The following DCLK1 variants were observed in gnomAD, a reference collection of about 807,000 sequenced individuals.
The protein encoded by DCLK1 is doublecortin like kinase 1.
DCLK1 carries 16 observed loss-of-function variants against 86.2 expected under a neutral mutation model. The observed-to-expected ratio is 0.19, with a 90% CI of 0.13 to 0.28. DCLK1 has a LOEUF of 0.28. Ranked by LOEUF, DCLK1 falls within the 10% of genes least tolerant of loss-of-function variation. DCLK1 has a pLI of 1.00. For missense variants in DCLK1, 590 were observed against 940.2 expected (o/e 0.63, Z 4.87); for synonymous variants, 369 against 370.5 (o/e 1.00, Z 0.05).
intron 15 of DCLK1, among the ~76,000 whole-genome samples, chr13:35,798,609 T>C (rs2086858764): frequency 6.6e-6 from 1 of 152,218 alleles, no homozygotes; most frequent in Non-Finnish European, 1.5e-5. Flanking sequence ...ATTCTCTGTC[T>C]ACAATTCACA....
intron 3 of DCLK1, among the ~76,000 whole-genome samples, chr13:36,052,962 T>A (rs577518933): frequency 2.0e-5 from 3 of 152,274 alleles, no homozygotes; most frequent in South Asian, 4.1e-4. Context: ...GAGGATGGGG[T>A]GCTTACAATC....
chr13:35,948,666 T>G (rs2153133599), intron 3 of DCLK1, among the ~76,000 whole-genome samples: 1 of 152,376 alleles, frequency 6.6e-6, no homozygotes, highest in Non-Finnish European at 1.5e-5. Context: ...GTCTCATTTC[T>G]AAATAATCAC....
intron 6 of DCLK1, chr13:35,850,667 A>G: frequency 6.7e-7 from 1 of 1,481,810 alleles, no homozygotes; most frequent in South Asian, 1.5e-5. Flanking sequence ...TTGCTTCAGA[A>G]ATGTGAAACC....
intron 3 of DCLK1, among the ~76,000 whole-genome samples, chr13:36,018,987 T>C (rs1881647561): frequency 6.6e-6 from 1 of 152,180 alleles, no homozygotes; most frequent in South Asian, 2.1e-4. Context: ...TAGACCCAAT[T>C]GCTTGTTTCA....
chr13:35,822,663 G>C (rs770992928), intron 11 of DCLK1, 66 bp downstream of exon 11: 3 of 1,594,374 alleles, frequency 1.9e-6, no homozygotes, highest in Non-Finnish European at 2.6e-6. Flanking sequence ...AAAGAAAAAA[G>C]AAATATTCAT....
chr13:36,015,085 AG>A (rs1881489376), intron 3 of DCLK1, among the ~76,000 whole-genome samples: 1 of 151,400 alleles, frequency 6.6e-6, no homozygotes, highest in Non-Finnish European at 1.5e-5. Flanking sequence ...CCGTGGGAGC[AG>A]TGATTATGTC....
At chr13:35,931,225 T>C (rs958894722) in intron 4 of DCLK1, among the ~76,000 whole-genome samples, 3 of 152,202 alleles carry the variant, frequency 2.0e-5, no homozygotes, top group African/African-American at 7.2e-5. Context: ...AACAAGGGCC[T>C]GGAAATCAGA....
At chr13:35,798,554 C>T (rs2086857994) in intron 15 of DCLK1, among the ~76,000 whole-genome samples, 1 of 152,198 alleles carries the variant, frequency 6.6e-6, no homozygotes, top group Non-Finnish European at 1.5e-5. Context: ...TCCCCACCTG[C>T]ACGGCACCCC....
chr13:35,958,814 A>T (rs550194498), intron 3 of DCLK1, among the ~76,000 whole-genome samples: 1 of 152,392 alleles, frequency 6.6e-6, no homozygotes, highest in Non-Finnish European at 1.5e-5. Context: ...AAAGACATTT[A>T]CATGGCTTCC....
intron 3 of DCLK1, among the ~76,000 whole-genome samples, chr13:36,063,667 A>C (rs544055774): frequency 5.3e-5 from 8 of 152,240 alleles, no homozygotes; most frequent in African/African-American, 1.9e-4. Flanking sequence ...AGAATAGGAG[A>C]ATTTGTTTCT....
rs543240682 is a variant in DCLK1, at chr13:36,029,884, C to T, written c.723+81985G>A. The stretch of plus-strand genomic sequence containing the variant: ...TGCCAGATATTGTCATATGCTTATA[C>T]AAATTGTTAAATTTCATGTAACCCC... On this transcript the variant is annotated intron_variant, in intron 3 of 16. Coordinates refer to ENST00000360631, the MANE Select transcript of DCLK1 (RefSeq NM_001330071.2). Among the ~76,000 whole-genome samples, 6 of 152,254 alleles carry T rather than the reference C, an allele frequency of 3.9e-5. No homozygotes were observed. In the East Asian group the frequency reaches 1.2e-3, roughly 29 times the overall value.
intron 3 of DCLK1, among the ~76,000 whole-genome samples, chr13:36,011,986 CTTCT>C (rs1881293554): frequency 6.7e-6 from 1 of 149,196 alleles, no homozygotes; most frequent in Admixed American, 6.7e-5. Context: ...ATATAATGGC[CTTCT>C]TTGTCTCTTT....
At chr13:35,957,526 G>T (rs1225494514) in intron 3 of DCLK1, among the ~76,000 whole-genome samples, 1 of 152,074 alleles carries the variant, frequency 6.6e-6, no homozygotes, top group Non-Finnish European at 1.5e-5. Flanking sequence ...GGTAAAATCA[G>T]ATTATTAAAA....
intron 4 of DCLK1, among the ~76,000 whole-genome samples, chr13:35,897,597 G>A (rs1223788958): frequency 6.6e-6 from 1 of 152,150 alleles, no homozygotes; most frequent in Non-Finnish European, 1.5e-5. Flanking sequence ...CAAACCATAG[G>A]AAGAAAAATG....
At chr13:36,047,819 G>A (rs1265944454) in intron 3 of DCLK1, among the ~76,000 whole-genome samples, 1 of 152,162 alleles carries the variant, frequency 6.6e-6, no homozygotes, top group Non-Finnish European at 1.5e-5. Context: ...GGCTGGGTGT[G>A]GTGGCTCATG....
At chr13:36,013,795 G>T (rs973997928) in intron 3 of DCLK1, among the ~76,000 whole-genome samples, 3 of 152,204 alleles carry the variant, frequency 2.0e-5, no homozygotes, top group African/African-American at 7.2e-5. Flanking sequence ...ACCTAAGCAA[G>T]CCTGGGCAAT....
At chr13:36,113,160 G>T (rs1328060285) in intron 2 of DCLK1, among the ~76,000 whole-genome samples, 1 of 152,180 alleles carries the variant, frequency 6.6e-6, no homozygotes, top group Non-Finnish European at 1.5e-5. Flanking sequence ...TAGGTAAAAT[G>T]ACCGAGGCCT....
rs564673594 is a variant in DCLK1 at position 36,052,000 on chromosome 13, C to A, written c.723+59869G>T. Among the ~76,000 whole-genome samples, 20 of 152,230 alleles carry A rather than the reference C, an allele frequency of 1.3e-4. No individual in the cohort carries two copies. The South Asian group carries it at 4.1e-3, about 32-fold the overall frequency. On this transcript the variant is annotated intron_variant, in intron 3 of 16. Transcript: ENST00000360631. ...TTACCTTCTTAGAATTAAAGGCTGC[C>A]ATTCACAGGAAGCCTGAGCCCCCCA...
chr13:36,072,809 G>A (rs1413368194), intron 3 of DCLK1, among the ~76,000 whole-genome samples: 1 of 152,108 alleles, frequency 6.6e-6, no homozygotes, highest in Non-Finnish European at 1.5e-5. Flanking sequence ...CAAAACCACA[G>A]TAGTTATTTT....
Sources: gnomAD v4.1 joint callset for allele counts (sites outside exome capture counted in the v4.1 genomes callset) on GRCh38, gnomAD v4.1.1 for gene constraint, MANE v1.5 for transcripts, NCBI Gene and HGNC (gene_info 2026-07-23, HGNC 2026-07-21) for gene names.